Variants in EFR3A observed in about 807,000 individuals in gnomAD.
EFR3A encodes protein EFR3 homolog A.
EFR3A carries 76 observed loss-of-function variants against 104.4 expected under a neutral mutation model. The observed-to-expected ratio is 0.73, with a 90% CI of 0.60 to 0.88. The LOEUF (loss-of-function observed/expected upper bound fraction) is 0.88, where lower values mean the gene tolerates loss of function less well. EFR3A is among the 40% of genes least tolerant of loss of function. EFR3A has a pLI of 0.00. For missense variants in EFR3A, 985 were observed against 1,012.5 expected (o/e 0.97, Z 0.37); for synonymous variants, 330 against 330.0 (o/e 1.00, Z 0.00).
chr8:131,983,876 A>G (rs547675361), intron 14 of EFR3A, among the ~76,000 whole-genome samples: 7 of 152,264 alleles, frequency 4.6e-5, no homozygotes, highest in African/African-American at 1.7e-4. Context: ...ATTAAAAAAC[A>G]TTTTCATTGT....
At position 131,936,481 on chromosome 8, in the gene EFR3A, G is replaced by A. The variant is rs553932871; in HGVS notation, c.11-4018G>A. ...CTGTCCCACAGGACTGCCTCCCTCC[G>A]CCCCCCTCCCCTCCAGCACACACAC... On this transcript the variant is annotated intron_variant, in intron 1 of 22. Transcript: ENST00000254624. Among the ~76,000 whole-genome samples, 148 of 151,540 alleles carry A rather than the reference G, an allele frequency of 9.8e-4. 1 individual carries two copies. The highest frequency in any genetic ancestry group is 3.5e-3 in the African/African-American group (144 of 41,304).
intron 5 of EFR3A, among the ~76,000 whole-genome samples, chr8:131,951,176 A>T (rs559664609): frequency 1.7e-4 from 26 of 152,272 alleles, no homozygotes; most frequent in African/African-American, 5.3e-4. Flanking sequence ...ACAAGTATAA[A>T]TGTTATTTTA....
chr8:131,905,474 A>G (rs1816209799), intron 1 of EFR3A, among the ~76,000 whole-genome samples: 1 of 152,204 alleles, frequency 6.6e-6, no homozygotes, highest in African/African-American at 2.4e-5. Flanking sequence ...TTGAGATTTA[A>G]AGATTTTCCT....
chr8:131,954,073 C>T, intron 6 of EFR3A, 106 bp downstream of exon 6: 1 of 1,133,098 alleles, frequency 8.8e-7, no homozygotes, highest in Non-Finnish European at 1.2e-6. Flanking sequence ...AAACAGTAGT[C>T]TCGTAAAGTT....
At chr8:132,005,177 T>TA (rs1821970886) in intron 22 of EFR3A, among the ~76,000 whole-genome samples, 1 of 152,218 alleles carries the variant, frequency 6.6e-6, no homozygotes, top group Non-Finnish European at 1.5e-5. Context: ...AGGTAACTTA[T>TA]ACAGGGTCAC....
chr8:132,010,439 T>G (rs907829714), intron 22 of EFR3A, among the ~76,000 whole-genome samples: 1 of 126,710 alleles, frequency 7.9e-6, no homozygotes, highest in African/African-American at 3.0e-5. Flanking sequence ...TATATATATA[T>G]ATATATATAT....
At chr8:131,944,383 A>AAAAC (rs1259489278) in intron 2 of EFR3A, among the ~76,000 whole-genome samples, 1 of 152,146 alleles carries the variant, frequency 6.6e-6, no homozygotes, top group Admixed American at 6.6e-5. Context: ...GTAAATGAGT[A>AAAAC]AAACAGGCTT....
chr8:131,990,843 G>T (rs1217183566), intron 18 of EFR3A, among the ~76,000 whole-genome samples: 3 of 152,140 alleles, frequency 2.0e-5, no homozygotes, highest in African/African-American at 4.8e-5. Context: ...CAAGAAGAAA[G>T]CCAGGGATTT....
At chr8:132,006,797 G>T (rs1157081852) in intron 22 of EFR3A, among the ~76,000 whole-genome samples, 1 of 151,950 alleles carries the variant, frequency 6.6e-6, no homozygotes, top group Non-Finnish European at 1.5e-5. Context: ...GTATAAAACT[G>T]ATGATATGGC....
At chr8:131,973,436 TTTC>T (rs1380719422) in intron 10 of EFR3A, among the ~76,000 whole-genome samples, 2 of 152,198 alleles carry the variant, frequency 1.3e-5, no homozygotes, top group African/African-American at 2.4e-5. Context: ...TAATGTATTG[TTTC>T]TTAAGTATTA....
intron 1 of EFR3A, chr8:131,935,358 C>A (rs565129288): frequency 9.3e-5 from 23 of 246,710 alleles, no homozygotes; most frequent in African/African-American, 5.3e-4. Flanking sequence ...GATACATGGG[C>A]TTTGCATTTG....
Position 131,959,451 on chromosome 8 carries a change from T to G in EFR3A, c.777-134T>G, listed in dbSNP as rs935867448. ...ACATATATTTCATGAAGTTCATTAC[T>G]TAAGAATTAAATTGAAATCTTGCTT... is the stretch of plus-strand genomic sequence containing the variant. On this transcript the variant is annotated intron_variant, in intron 7 of 22. Transcript: ENST00000254624. 3 of 671,374 alleles carry G rather than the reference T, an allele frequency of 4.5e-6. No homozygotes were observed. The African/African-American group carries it at 5.6e-5, about 12-fold the overall frequency. 41.6% of individuals were successfully genotyped at this position (671,374 alleles called of 1,614,324 possible). A position where few individuals can be genotyped will look rare whatever the true frequency, so the allele number is the denominator to read the frequency against.
intron 1 of EFR3A, among the ~76,000 whole-genome samples, chr8:131,913,343 T>C (rs185355608): frequency 4.2e-4 from 64 of 152,176 alleles, no homozygotes; most frequent in East Asian, 2.3e-3. Context: ...ACTACTATTT[T>C]TCTTCTTTCC....
At chr8:131,993,368 T>C (rs1250145961) in intron 18 of EFR3A, among the ~76,000 whole-genome samples, 1 of 152,142 alleles carries the variant, frequency 6.6e-6, no homozygotes. Context: ...CCAGGACTTG[T>C]TACAGAACCC....
At chr8:131,950,758 A>G (rs1269698546) in intron 5 of EFR3A, among the ~76,000 whole-genome samples, 1 of 152,162 alleles carries the variant, frequency 6.6e-6, no homozygotes, top group Non-Finnish European at 1.5e-5. Flanking sequence ...AAGTAGATAA[A>G]TTGAATGAAT....
intron 1 of EFR3A, among the ~76,000 whole-genome samples, chr8:131,931,740 A>G (rs915017238): frequency 6.6e-6 from 1 of 151,974 alleles, no homozygotes; most frequent in African/African-American, 2.4e-5. Context: ...TTATATATGA[A>G]AAAAAACCAG....
At chr8:131,991,195 C>G (rs925898351) in intron 18 of EFR3A, among the ~76,000 whole-genome samples, 9 of 152,122 alleles carry the variant, frequency 5.9e-5, no homozygotes, top group Non-Finnish European at 1.0e-4. Context: ...ATAAACCGAT[C>G]AGATCTCATG....
At chr8:131,917,769 T>C (rs1320715542) in intron 1 of EFR3A, among the ~76,000 whole-genome samples, 1 of 152,170 alleles carries the variant, frequency 6.6e-6, no homozygotes, top group Non-Finnish European at 1.5e-5. Flanking sequence ...AAAAACTGGT[T>C]GGTTTGTTTT....
intron 22 of EFR3A, among the ~76,000 whole-genome samples, chr8:132,003,555 C>T (rs1269240033): frequency 6.6e-6 from 1 of 151,854 alleles, no homozygotes; most frequent in African/African-American, 2.4e-5. Flanking sequence ...CTCTTAAGTA[C>T]ATCTGGGTAA....
Sources: gnomAD v4.1 joint callset for allele counts (sites outside exome capture counted in the v4.1 genomes callset) on GRCh38, gnomAD v4.1.1 for gene constraint, MANE v1.5 for transcripts, NCBI Gene and HGNC (gene_info 2026-07-23, HGNC 2026-07-21) for gene names.